The following TNR variants were observed in gnomAD, a reference collection of about 807,000 sequenced individuals.
TNR encodes the protein tenascin-R.
In TNR, 45 loss-of-function variants were observed where a neutral mutation model predicts 150.4. The ratio of observed to expected loss-of-function variants is 0.30; its 90% confidence interval spans 0.24 to 0.38. The LOEUF (loss-of-function observed/expected upper bound fraction) is 0.38, where lower values mean the gene tolerates loss of function less well. Among genes scored for constraint, TNR ranks in the 10% least tolerant of loss-of-function variants. TNR has a pLI of 1.00. For missense variants in TNR, 1,544 were observed against 1,759.1 expected (o/e 0.88, Z 2.19); for synonymous variants, 687 against 678.4 (o/e 1.01, Z -0.20).
At chr1:175,626,296 A>G (rs908924176) in intron 1 of TNR, among the ~76,000 whole-genome samples, 6 of 152,172 alleles carry the variant, frequency 3.9e-5, no homozygotes, top group African/African-American at 1.2e-4. Flanking sequence ...ATCCAGAAGT[A>G]GGTTTTGATA....
chr1:175,648,603 C>T (rs887760882), intron 1 of TNR, among the ~76,000 whole-genome samples: 1 of 152,120 alleles, frequency 6.6e-6, no homozygotes, highest in Non-Finnish European at 1.5e-5. Context: ...CAGTTCCTCC[C>T]GCCTGTCTTC....
intron 1 of TNR, among the ~76,000 whole-genome samples, chr1:175,680,490 A>G (rs1392258168): frequency 6.6e-6 from 1 of 152,208 alleles, no homozygotes; most frequent in East Asian, 1.9e-4. Context: ...TGACAGAGAC[A>G]TAGAGAAGAG....
intron 1 of TNR, among the ~76,000 whole-genome samples, chr1:175,672,450 T>C (rs1215014520): frequency 6.6e-6 from 1 of 152,214 alleles, no homozygotes; most frequent in Admixed American, 6.5e-5. Flanking sequence ...ATTTTTTTAA[T>C]GTAGTGAGTA....
At chr1:175,373,274 C>T (rs867833064) in intron 9 of TNR, among the ~76,000 whole-genome samples, 36 of 152,140 alleles carry the variant, frequency 2.4e-4, no homozygotes, top group Middle Eastern at 3.2e-3. Flanking sequence ...AATATAGGGT[C>T]CCTCATAGAG....
chr1:175,660,326 C>T (rs552665631), intron 1 of TNR, among the ~76,000 whole-genome samples: 2 of 152,334 alleles, frequency 1.3e-5, no homozygotes, highest in East Asian at 1.9e-4. Flanking sequence ...TGCCCCAGCC[C>T]GCACATGGGC....
At chr1:175,533,599 A>G (rs1230247171) in intron 1 of TNR, among the ~76,000 whole-genome samples, 3 of 152,242 alleles carry the variant, frequency 2.0e-5, no homozygotes, top group African/African-American at 7.2e-5. Context: ...TATCTTAATT[A>G]GCAGTTAATT....
intron 1 of TNR, among the ~76,000 whole-genome samples, chr1:175,661,271 A>C (rs1328394825): frequency 6.6e-6 from 1 of 152,194 alleles, no homozygotes; most frequent in Non-Finnish European, 1.5e-5. Context: ...TTCCAACCCC[A>C]GCTGACTTCA....
chr1:175,328,770 G>T (rs968463131), intron 21 of TNR, among the ~76,000 whole-genome samples: 2 of 152,136 alleles, frequency 1.3e-5, no homozygotes, highest in Non-Finnish European at 2.9e-5. Context: ...CAAGGGCCAG[G>T]CCCAAGCAAG....
intron 1 of TNR, among the ~76,000 whole-genome samples, chr1:175,642,602 G>A (rs1030650549): frequency 6.6e-6 from 1 of 152,180 alleles, no homozygotes; most frequent in African/African-American, 2.4e-5. Flanking sequence ...TGAAGACCTG[G>A]AGAACTGGCT....
At chr1:175,651,950 A>G (rs1665010252) in intron 1 of TNR, among the ~76,000 whole-genome samples, 1 of 151,260 alleles carries the variant, frequency 6.6e-6, no homozygotes, top group South Asian at 2.1e-4. Flanking sequence ...AAATAAGAAT[A>G]ATTATATTAT....
At chr1:175,739,049 G>T (rs941374733) in intron 1 of TNR, among the ~76,000 whole-genome samples, 2 of 152,142 alleles carry the variant, frequency 1.3e-5, no homozygotes. Flanking sequence ...TGACATGGTG[G>T]TTTAGCAACC....
chr1:175,717,134 T>C (rs1012669838), intron 1 of TNR, among the ~76,000 whole-genome samples: 1 of 152,210 alleles, frequency 6.6e-6, no homozygotes, highest in Admixed American at 6.5e-5. Flanking sequence ...TTAGAGCATT[T>C]ATCTTGGAGC....
chr1:175,625,676 C>T (rs1006880519), intron 1 of TNR, among the ~76,000 whole-genome samples: 1 of 152,204 alleles, frequency 6.6e-6, no homozygotes, highest in East Asian at 1.9e-4. Flanking sequence ...TTCCAGCCTT[C>T]GCCTGTGAGA....
chr1:175,656,178 GTGTGTGTGTGTGTA>G (rs1357386747), intron 1 of TNR, among the ~76,000 whole-genome samples: 31 of 149,276 alleles, frequency 2.1e-4, no homozygotes, highest in African/African-American at 7.1e-4. Context: ...GTGTGTGTGT[GTGTGTGTGTGTGTA>G]TGTGGTCTAC....
chr1:175,562,457 A>T (rs990837769), intron 1 of TNR, among the ~76,000 whole-genome samples: 1 of 152,252 alleles, frequency 6.6e-6, no homozygotes, highest in South Asian at 2.1e-4. Flanking sequence ...CACCTCTTGT[A>T]ACAGAAGGCA....
intron 1 of TNR, among the ~76,000 whole-genome samples, chr1:175,724,271 G>A (rs1558092087): frequency 6.6e-6 from 1 of 152,176 alleles, no homozygotes. Context: ...TTCTGGGGAG[G>A]TCTCAGGAAA....
At chr1:175,651,343 G>C (rs1011998810) in intron 1 of TNR, among the ~76,000 whole-genome samples, 3 of 152,002 alleles carry the variant, frequency 2.0e-5, no homozygotes, top group African/African-American at 7.2e-5. Context: ...TCTTTGAGGG[G>C]AAAGGTTACC....
Position 175,335,530 on chromosome 1 carries a change from G to T in TNR, c.3631+181C>A, listed in dbSNP as rs1650194729. On this transcript the variant is annotated intron_variant, in intron 20 of 22. Transcript: ENST00000367674. ...ACAGAGAAAAGAGGGAAACACCACAGTAAGATAAAAACAGATCAATAGTGA... is the reference window on the plus strand; with the variant it reads ...ACAGAGAAAAGAGGGAAACACCACATTAAGATAAAAACAGATCAATAGTGA... The T allele has an allele frequency of 3.5e-6, 2 of 574,716 alleles. 1 individual carries two copies. Among genetic ancestry groups the T allele is most frequent in the South Asian group, 5.2e-5 (2 of 38,562 alleles). The allele number at this position is 574,716 out of a possible 1,614,324, so 35.6% of individuals were successfully genotyped here.
chr1:175,573,715 G>T (rs933707621), intron 1 of TNR, among the ~76,000 whole-genome samples: 4 of 152,206 alleles, frequency 2.6e-5, no homozygotes, highest in Non-Finnish European at 5.9e-5. Flanking sequence ...TTTCCAGCAC[G>T]GCTGGGGGTG....
Sources: allele counts gnomAD v4.1 joint callset (sites outside exome capture counted in the v4.1 genomes callset), GRCh38; gene constraint gnomAD v4.1.1; transcripts MANE v1.5; gene names NCBI Gene and HGNC (gene_info 2026-07-23, HGNC 2026-07-21).